The following CCDC18 variants were observed in gnomAD, a reference collection of about 807,000 sequenced individuals.
CCDC18 encodes coiled-coil domain containing 18.
CCDC18 carries 157 observed loss-of-function variants against 196.0 expected under a neutral mutation model. That is an observed-to-expected ratio of 0.80 (90% CI 0.70 to 0.91). The LOEUF is 0.91. CCDC18 is among the 40% of genes least tolerant of loss of function. CCDC18 has a pLI of 0.00. For missense variants in CCDC18, 1,465 were observed against 1,611.6 expected (o/e 0.91, Z 1.56); for synonymous variants, 482 against 529.2 (o/e 0.91, Z 1.22).
At chr1:93,183,240 G>A in intron 1 of CCDC18, 120 bp from the exon 2 acceptor site, 1 of 688,098 alleles carries the variant, frequency 1.5e-6, no homozygotes, top group Non-Finnish European at 2.2e-6. Context: ...AAACCACCAT[G>A]AAAGATTTCA....
At chr1:93,267,232 C>A (rs1301607114) in intron 27 of CCDC18, among the ~76,000 whole-genome samples, 1 of 152,122 alleles carries the variant, frequency 6.6e-6, no homozygotes, top group East Asian at 1.9e-4. Context: ...AGGCTTTCAA[C>A]AAAATTCAAC....
chr1:93,236,246 A>G lies in CCDC18; in HGVS notation c.2461-2A>G. Reference sequence around the variant, plus strand: ...AATGTTTACTGAAAACTGCTTTACAAGGTGTCAAAACTGGAACAAGAACTT... The same window carrying G: ...AATGTTTACTGAAAACTGCTTTACAGGGTGTCAAAACTGGAACAAGAACTT... On this transcript the variant is annotated splice_acceptor_variant, in intron 18 of 28. Coordinates refer to ENST00000690025, the MANE Select transcript of CCDC18 (RefSeq NM_001378204.1). LOFTEE classifies it high-confidence loss of function. The G allele has an allele frequency of 6.4e-7, 1 of 1,565,574 alleles. No homozygotes were observed. Among genetic ancestry groups the G allele is most frequent in the Non-Finnish European group, 8.6e-7 (1 of 1,165,472 alleles).
chr1:93,264,009 T>C (rs1664165192), intron 26 of CCDC18, among the ~76,000 whole-genome samples: 1 of 152,146 alleles, frequency 6.6e-6, no homozygotes, highest in African/African-American at 2.4e-5. Context: ...AGAGGTTTAA[T>C]TGACTCACAG....
At chr1:93,255,576 A>C (rs1235273223) in intron 24 of CCDC18, among the ~76,000 whole-genome samples, 2 of 152,104 alleles carry the variant, frequency 1.3e-5, no homozygotes, top group Non-Finnish European at 2.9e-5. Context: ...CTCTACAAAA[A>C]CATTAAAAAA....
chr1:93,180,435 G>A, upstream of CCDC18: 1 of 1,297,268 alleles, frequency 7.7e-7, no homozygotes, highest in Non-Finnish European at 1.1e-6. Context: ...ACTCTGGGCG[G>A]GGCTAGCAGT....
chr1:93,268,508 GA>G (rs1664827687), intron 27 of CCDC18, among the ~76,000 whole-genome samples: 1 of 151,996 alleles, frequency 6.6e-6, no homozygotes, highest in Non-Finnish European at 1.5e-5. Flanking sequence ...CAGAATGGGA[GA>G]AAATTTTTGC....
chr1:93,264,996 C>T (rs532750833), intron 27 of CCDC18, 95 bp downstream of exon 27: 98 of 792,890 alleles, frequency 1.2e-4, no homozygotes, highest in South Asian at 5.3e-4. Flanking sequence ...GACTATATGA[C>T]CAAATATTGG....
Position 93,201,940 on chromosome 1 carries a change from T to G in CCDC18, c.747T>G (p.Ser249Arg). ...CACTATATAATGCCGAAGAGCTGAG[T>G]AAAGCTTTCCAACAATATAAAAAAA... is the stretch of plus-strand genomic sequence containing the variant. ...NEALYNAEEL[S>R]KAFQQYKKKV... Residue 249 changes from serine to arginine, a missense_variant, in exon 7 of 29, where the codon AGT (serine) becomes AGG (arginine). Physicochemically the swap from Ser to Arg is moderately radical, Grantham distance 110 (BLOSUM62 -1). Coordinates refer to ENST00000690025, the MANE Select transcript of CCDC18 (RefSeq NM_001378204.1). 1.9e-6 allele frequency: 3 copies of G among 1,609,826 alleles called. No individual in the cohort carries two copies. The highest frequency in any genetic ancestry group is 2.5e-6 in the Non-Finnish European group (3 of 1,178,320).
chr1:93,205,340 C>G (rs1372538079), intron 7 of CCDC18, among the ~76,000 whole-genome samples, 170 bp from the exon 8 acceptor site: 1 of 152,170 alleles, frequency 6.6e-6, no homozygotes, highest in Non-Finnish European at 1.5e-5. Context: ...TCCTTTGCTA[C>G]TGCCCAGGAA....
intron 13 of CCDC18, among the ~76,000 whole-genome samples, chr1:93,217,224 G>A (rs562045945): frequency 3.3e-5 from 5 of 152,130 alleles, no homozygotes; most frequent in Non-Finnish European, 7.4e-5. Flanking sequence ...GTGAGCCACC[G>A]CACCCGGCCG....
chr1:93,190,697 A>T lies in CCDC18; in HGVS notation c.463-1303A>T, dbSNP rs1332613098. On this transcript the variant is annotated intron_variant, in intron 4 of 28. Coordinates refer to ENST00000690025, the MANE Select transcript of CCDC18 (RefSeq NM_001378204.1). ...TTCCCTTTTTTTTTTTTTAACATAA[A>T]CTCAAGATTTTATTGTCTTCATAAT... is the stretch of plus-strand genomic sequence containing the variant. 10 of 386,620 alleles carry T rather than the reference A, an allele frequency of 2.6e-5. No homozygotes were observed. In the Admixed American group the frequency reaches 4.0e-4, roughly 16 times the overall value. The allele number at this position is 386,620 out of a possible 1,614,324, so 23.9% of individuals were successfully genotyped here.
chr1:93,246,244 T>TA, intron 22 of CCDC18, 40 bp downstream of exon 22: 1 of 1,417,464 alleles, frequency 7.1e-7, no homozygotes, highest in East Asian at 2.4e-5. Flanking sequence ...AGTTTTCTGT[T>TA]ATGACACAGT....
chr1:93,188,123 G>C (rs1474812867), intron 4 of CCDC18, among the ~76,000 whole-genome samples: 1 of 152,160 alleles, frequency 6.6e-6, no homozygotes, highest in Admixed American at 6.5e-5. Context: ...TACTAGTATT[G>C]TATTTCTCAG....
intron 6 of CCDC18, 102 bp downstream of exon 6, chr1:93,193,846 A>C: frequency 1.2e-6 from 1 of 860,660 alleles, no homozygotes; most frequent in Non-Finnish European, 1.7e-6. Flanking sequence ...AATTTCAGAG[A>C]TTTGGCAATA....
intron 16 of CCDC18, among the ~76,000 whole-genome samples, chr1:93,223,262 G>T (rs573056): frequency 0.29 from 43,622 of 152,108 alleles, 9,476 homozygotes; most frequent in African/African-American, 0.61. Flanking sequence ...AAAGAATGAA[G>T]TATGATGTTG....
chr1:93,271,512 T>C (rs1271573845), intron 28 of CCDC18: 1 of 985,382 alleles, frequency 1.0e-6, no homozygotes, highest in Non-Finnish European at 1.2e-6. Context: ...TATTTCCCTC[T>C]TCCTTTCATT....
chr1:93,227,835 G>A (rs1331582486), intron 17 of CCDC18, among the ~76,000 whole-genome samples: 2 of 151,116 alleles, frequency 1.3e-5, no homozygotes, highest in East Asian at 1.9e-4. Context: ...GTGCATACCC[G>A]TGGTCCCAGC....
Position 93,186,496 on chromosome 1 carries a change from G to C in CCDC18, c.455G>C (p.Arg152Thr). 1 of 1,594,554 alleles carries C rather than the reference G, an allele frequency of 6.3e-7. No individual in the cohort carries two copies. Among genetic ancestry groups the C allele is most frequent in the Non-Finnish European group, 8.5e-7 (1 of 1,170,892 alleles). Residue 152 changes from arginine (R) to threonine (T), a missense_variant, in exon 4 of 29, where the codon AGA becomes ACA. Transcript: ENST00000690025. Reference protein sequence around the residue: ...ESIHFELTQSRAKVSMLESAQ... With the variant: ...ESIHFELTQSTAKVSMLESAQ... ...ATTCACTTTGAATTAACACAGTCAAGAGCAAAAGTATGTATCTTGAAATAA... is the reference window on the plus strand; with the variant it reads ...ATTCACTTTGAATTAACACAGTCAACAGCAAAAGTATGTATCTTGAAATAA...
intron 28 of CCDC18, chr1:93,271,550 C>G: frequency 9.2e-6 from 9 of 983,220 alleles, no homozygotes; most frequent in Non-Finnish European, 9.7e-6. Flanking sequence ...CATACCCACT[C>G]TAAGCTGGGT....
Sources: allele counts gnomAD v4.1 joint callset (sites outside exome capture counted in the v4.1 genomes callset), GRCh38; gene constraint gnomAD v4.1.1; transcripts MANE v1.5; gene names NCBI Gene and HGNC (gene_info 2026-07-23, HGNC 2026-07-21).